The following STK32B variants were observed in gnomAD, a reference collection of about 807,000 sequenced individuals.
STK32B encodes serine/threonine-protein kinase 32B.
STK32B carries 43 observed loss-of-function variants against 52.6 expected under a neutral mutation model. That is an observed-to-expected ratio of 0.82 (90% CI 0.64 to 1.05). The LOEUF (loss-of-function observed/expected upper bound fraction) is 1.05. Among genes scored for constraint, STK32B ranks in the 50% least tolerant of loss-of-function variants. The pLI, the probability that STK32B is intolerant of heterozygous loss-of-function variation, is 0.00. For missense variants in STK32B, 621 were observed against 534.6 expected (o/e 1.16, Z -1.59); for synonymous variants, 238 against 204.3 (o/e 1.17, Z -1.41).
At chr4:5,169,992 C>A (rs557106739) in intron 3 of STK32B, among the ~76,000 whole-genome samples, 1 of 152,024 alleles carries the variant, frequency 6.6e-6, no homozygotes, top group Non-Finnish European at 1.5e-5. Context: ...TAATATCTGG[C>A]GGGAGCGCTA....
At chr4:5,334,654 A>T (rs1732509181) in intron 4 of STK32B, among the ~76,000 whole-genome samples, 1 of 151,536 alleles carries the variant, frequency 6.6e-6, no homozygotes, top group Non-Finnish European at 1.5e-5. Flanking sequence ...ATGTCCCATC[A>T]ATACCTAATT....
intron 2 of STK32B, among the ~76,000 whole-genome samples, chr4:5,159,783 T>TATGAATATATGAATATATGAATGTA (rs1560186676): frequency 7.7e-6 from 1 of 130,678 alleles, no homozygotes; most frequent in African/African-American, 3.0e-5. Flanking sequence ...ATATGAATGT[T>TATGAATATATGAATATATGAATGTA]TATGAATATA....
intron 3 of STK32B, among the ~76,000 whole-genome samples, chr4:5,202,306 C>G (rs1398894128): frequency 6.6e-6 from 1 of 152,262 alleles, no homozygotes; most frequent in Non-Finnish European, 1.5e-5. Flanking sequence ...AGGTTGGGCT[C>G]CCAAGGCCTT....
At chr4:5,452,163 T>C (rs1203255589) in intron 7 of STK32B, among the ~76,000 whole-genome samples, 6 of 152,216 alleles carry the variant, frequency 3.9e-5, no homozygotes, top group African/African-American at 9.6e-5. Flanking sequence ...TTACCCTCTT[T>C]GCTCACCCAT....
chr4:5,327,960 G>A (rs1409916705), intron 3 of STK32B, among the ~76,000 whole-genome samples: 1 of 152,162 alleles, frequency 6.6e-6, no homozygotes, highest in Non-Finnish European at 1.5e-5. Context: ...TGGGTAACTT[G>A]CTGCAGCTTC....
At chr4:5,355,982 G>T (rs911346562) in intron 4 of STK32B, among the ~76,000 whole-genome samples, 3 of 152,152 alleles carry the variant, frequency 2.0e-5, no homozygotes, top group African/African-American at 7.2e-5. Context: ...CTTCAGACCA[G>T]AGGCCAAATG....
chr4:5,246,566 C>G (rs897266029), intron 3 of STK32B, among the ~76,000 whole-genome samples: 3 of 152,202 alleles, frequency 2.0e-5, no homozygotes, highest in Non-Finnish European at 4.4e-5. Context: ...GCCTTCCTCT[C>G]TCAACTTGTC....
At chr4:5,116,983 A>G (rs1714761395) in intron 1 of STK32B, among the ~76,000 whole-genome samples, 1 of 152,166 alleles carries the variant, frequency 6.6e-6, no homozygotes, top group South Asian at 2.1e-4. Context: ...TGATTTTTGC[A>G]TGTTGAGTTT....
At chr4:5,321,704 T>C (rs1230944598) in intron 3 of STK32B, among the ~76,000 whole-genome samples, 4 of 151,992 alleles carry the variant, frequency 2.6e-5, no homozygotes, top group Non-Finnish European at 4.4e-5. Context: ...ATTCTGCATT[T>C]ATACAGATAG....
At chr4:5,485,666 C>T (rs1719113677) in intron 11 of STK32B, among the ~76,000 whole-genome samples, 1 of 152,176 alleles carries the variant, frequency 6.6e-6, no homozygotes, top group African/African-American at 2.4e-5. Context: ...AGGCACTCTG[C>T]TTTTTAGAGT....
intron 3 of STK32B, among the ~76,000 whole-genome samples, chr4:5,268,102 G>C (rs1727169510): frequency 6.6e-6 from 1 of 152,198 alleles, no homozygotes; most frequent in African/African-American, 2.4e-5. Flanking sequence ...TGCAGGGAAA[G>C]GTAAGCCAAC....
At chr4:5,131,958 T>C (rs1715803970) in intron 1 of STK32B, among the ~76,000 whole-genome samples, 1 of 152,082 alleles carries the variant, frequency 6.6e-6, no homozygotes, top group South Asian at 2.1e-4. Context: ...GGATTTGAGA[T>C]GGGGGAGAGC....
At chr4:5,498,130 G>T (rs763666455) in intron 11 of STK32B, among the ~76,000 whole-genome samples, 8 of 152,202 alleles carry the variant, frequency 5.3e-5, no homozygotes, top group Non-Finnish European at 8.8e-5. Flanking sequence ...TTGAGAGCCA[G>T]GATGTGAGTT....
chr4:5,471,785 T>C (rs938074503), intron 11 of STK32B, among the ~76,000 whole-genome samples: 1 of 152,088 alleles, frequency 6.6e-6, no homozygotes, highest in Non-Finnish European at 1.5e-5. Context: ...GGGTTCTGAG[T>C]TGAGTCATAA....
intron 4 of STK32B, among the ~76,000 whole-genome samples, chr4:5,337,570 C>G (rs924845872): frequency 1.5e-4 from 23 of 152,052 alleles, no homozygotes; most frequent in African/African-American, 5.3e-4. Context: ...TATACCATGA[C>G]CAGTTCTGAT....
intron 6 of STK32B, among the ~76,000 whole-genome samples, chr4:5,424,432 C>T (rs1358162992): frequency 6.6e-6 from 1 of 152,164 alleles, no homozygotes; most frequent in African/African-American, 2.4e-5. Flanking sequence ...TTTCCAGGCC[C>T]ACCCATGGCC....
rs573732734 is a variant in STK32B at position 5,460,901 on chromosome 4, T to G, written c.909+673T>G. On this transcript the variant is annotated intron_variant, in intron 9 of 11. Coordinates refer to ENST00000282908, the MANE Select transcript of STK32B (RefSeq NM_018401.3). This position sits in a 1 kb window ranked among gnomAD's most constrained non-coding sequence, Gnocchi z 4.8. ...GCTTCCAGAGGCCACGGTCAAAGTT[T>G]TAGGTTTTGTCCCCCAGAAACTGGA... Among the ~76,000 whole-genome samples, 1 of 152,090 alleles carries G rather than the reference T, an allele frequency of 6.6e-6. No individual in the cohort carries two copies. Among genetic ancestry groups the G allele is most frequent in the Non-Finnish European group, 1.5e-5 (1 of 68,018 alleles).
chr4:5,484,038 G>A (rs1718943761), intron 11 of STK32B, among the ~76,000 whole-genome samples: 1 of 152,216 alleles, frequency 6.6e-6, no homozygotes, highest in Admixed American at 6.5e-5. Flanking sequence ...TAGGTGTGGT[G>A]TGATGTGGAA....
chr4:5,222,084 G>T (rs906220270), intron 3 of STK32B, among the ~76,000 whole-genome samples: 3 of 152,146 alleles, frequency 2.0e-5, no homozygotes, highest in African/African-American at 7.2e-5. Context: ...CTTGGATGAA[G>T]AGAGCAGTCC....
Sources: allele counts gnomAD v4.1 joint callset (sites outside exome capture counted in the v4.1 genomes callset), GRCh38; gene constraint gnomAD v4.1.1; non-coding constraint Gnocchi (gnomAD v3.1); transcripts MANE v1.5; gene names NCBI Gene and HGNC (gene_info 2026-07-23, HGNC 2026-07-21).